Variants in SPAG17 observed in about 807,000 individuals in gnomAD.
SPAG17 encodes the protein sperm-associated antigen 17.
A neutral mutation model predicts 273.6 loss-of-function variants in SPAG17; 169 were observed. The ratio of observed to expected loss-of-function variants is 0.62; its 90% CI spans 0.55 to 0.70. The LOEUF (loss-of-function observed/expected upper bound fraction) is 0.70, where lower values mean the gene tolerates loss of function less well. SPAG17 is among the 30% of genes least tolerant of loss of function. The pLI is 0.00. For missense variants in SPAG17, 2,557 were observed against 2,627.8 expected (o/e 0.97, Z 0.59); for synonymous variants, 825 against 873.2 (o/e 0.94, Z 0.97).
intron 1 of SPAG17, among the ~76,000 whole-genome samples, chr1:118,181,304 A>C (rs1032039510): frequency 1.3e-5 from 2 of 152,112 alleles, no homozygotes; most frequent in African/African-American, 2.4e-5. Flanking sequence ...CTTTAAATGT[A>C]CATGTATTAA....
At chr1:118,022,937 T>G (rs778665943) in intron 28 of SPAG17, among the ~76,000 whole-genome samples, 1 of 152,070 alleles carries the variant, frequency 6.6e-6, no homozygotes, top group Non-Finnish European at 1.5e-5. Context: ...TGCCTGGAGT[T>G]GATATACCTT....
chr1:118,014,122 G>A (rs1452022825), intron 29 of SPAG17, among the ~76,000 whole-genome samples: 1 of 152,112 alleles, frequency 6.6e-6, no homozygotes, highest in Admixed American at 6.6e-5. Context: ...TGTGACCTTG[G>A]GCAAATTACT....
intron 3 of SPAG17, among the ~76,000 whole-genome samples, chr1:118,148,259 G>A (rs2102341772): frequency 6.6e-6 from 1 of 152,226 alleles, no homozygotes; most frequent in South Asian, 2.1e-4. Flanking sequence ...TCGTCTCACT[G>A]ACTTCAAAGA....
In SPAG17 at chr1:118,176,749, G is replaced by A. The variant is rs187553552; in HGVS notation, c.87+8322C>T. Among the ~76,000 whole-genome samples the A allele has an allele frequency of 4.6e-3, 694 of 152,200 alleles. 2 individuals carry two copies. Among genetic ancestry groups the A allele is most frequent in the Non-Finnish European group, 5.8e-3 (396 of 67,992 alleles). ...TTCACTCAAATACTGCAGAATATAC[G>A]TTCTTTTCAGCAGCACACAGAACAC... is the stretch of plus-strand genomic sequence containing the variant. On this transcript the variant is annotated intron_variant, in intron 1 of 48. Transcript: ENST00000336338.
At chr1:117,991,699 A>G (rs1167663272) in intron 36 of SPAG17, among the ~76,000 whole-genome samples, 171 bp from the exon 37 acceptor site, 1 of 152,202 alleles carries the variant, frequency 6.6e-6, no homozygotes, top group Non-Finnish European at 1.5e-5. Flanking sequence ...TTAATATGTT[A>G]ATAGGAAAAA....
chr1:118,133,904 C>T (rs1570752596), intron 3 of SPAG17, among the ~76,000 whole-genome samples: 1 of 152,106 alleles, frequency 6.6e-6, no homozygotes, highest in East Asian at 1.9e-4. Flanking sequence ...AAAATTACAC[C>T]ATCATTTCAC....
Position 118,019,422 on chromosome 1 carries a change from G to A in SPAG17, c.4070-3240C>T, listed in dbSNP as rs4659065. On this transcript the variant is annotated intron_variant, in intron 28 of 48. Transcript: ENST00000336338. ...TTAAAAGAGAACTGAAAGACCTAAA[G>A]TAATTGTTTAGAATGAAGCTCAGAG... 2.9e-3 allele frequency among the ~76,000 whole-genome samples: 440 copies of A among 151,904 alleles called. 2 individuals are homozygous for A. Among genetic ancestry groups the A allele is most frequent in the South Asian group, 0.022 (105 of 4,822 alleles).
At chr1:118,018,269 CAG>C in intron 28 of SPAG17, among the ~76,000 whole-genome samples, 1 of 152,258 alleles carries the variant, frequency 6.6e-6, no homozygotes, top group South Asian at 2.1e-4. Context: ...GGATTATTAA[CAG>C]AAATCATTCG....
At chr1:118,010,776 C>A (rs1659388645) in intron 30 of SPAG17, among the ~76,000 whole-genome samples, 1 of 152,144 alleles carries the variant, frequency 6.6e-6, no homozygotes, top group Non-Finnish European at 1.5e-5. Context: ...ACTAAACTGA[C>A]AACCTACAGA....
Position 118,001,028 on chromosome 1 carries a change from T to C in SPAG17, c.4777-4285A>G, listed in dbSNP as rs1274633494. 2.0e-5 allele frequency among the ~76,000 whole-genome samples: 3 copies of C among 152,154 alleles called. No individual in the cohort carries two copies. The East Asian group carries it at 5.8e-4, about 29-fold the overall frequency. ...CCTAGTTTATTGAGAGTTTTTAGCA[T>C]GAAGTGCTGTTGAATTTTGTTGAAG... On this transcript the variant is annotated intron_variant, in intron 32 of 48. Coordinates refer to ENST00000336338, the MANE Select transcript of SPAG17 (RefSeq NM_206996.4).
Position 117,991,444 on chromosome 1 carries a change from T to A in SPAG17, c.5446A>T (p.Asn1816Tyr), listed in dbSNP as rs556317482. 6.2e-7 allele frequency: 1 copy of A among 1,611,032 alleles called. No homozygotes were observed. Among genetic ancestry groups the A allele is most frequent in the South Asian group, 1.1e-5 (1 of 90,712 alleles). ...KDSRTEEERG[N>Y]AADLLKLVMS... ...ACCAGCTTGAGGAGATCAGCAGCAT[T>A]GCCTCTCTCCTCCTCAGTTCTGGAA... is the stretch of plus-strand genomic sequence containing the variant. Residue 1816 changes from asparagine (N) to tyrosine (Y), a missense_variant, in exon 37 of 49, where the codon AAT becomes TAT. Asn to Tyr is a moderately radical substitution (Grantham distance 143, BLOSUM62 -2). Coordinates refer to ENST00000336338, the MANE Select transcript of SPAG17 (RefSeq NM_206996.4).
intron 31 of SPAG17, among the ~76,000 whole-genome samples, chr1:118,007,076 T>C (rs1219479550): frequency 6.6e-6 from 1 of 152,210 alleles, no homozygotes; most frequent in African/African-American, 2.4e-5. Flanking sequence ...ACGTTCTTGG[T>C]GGTGTCCTTT....
At chr1:118,030,834 T>C (rs890560531) in intron 25 of SPAG17, among the ~76,000 whole-genome samples, 3 of 152,208 alleles carry the variant, frequency 2.0e-5, no homozygotes, top group Non-Finnish European at 4.4e-5. Context: ...CTTTATTCAG[T>C]CTATCATTGA....
At chr1:118,025,837 C>G (rs1442736128) in intron 26 of SPAG17, among the ~76,000 whole-genome samples, 1 of 152,098 alleles carries the variant, frequency 6.6e-6, no homozygotes, top group Admixed American at 6.5e-5. Flanking sequence ...GGGCAGTTTC[C>G]ATGTTATGAC....
intron 23 of SPAG17, among the ~76,000 whole-genome samples, chr1:118,038,082 A>C (rs1427205726): frequency 1.3e-5 from 2 of 152,196 alleles, no homozygotes; most frequent in Non-Finnish European, 2.9e-5. Flanking sequence ...CTTAAAGCTC[A>C]ATAACCAGAA....
At chr1:117,959,718 C>T (rs1652769905) in intron 48 of SPAG17, 1 of 270,646 alleles carries the variant, frequency 3.7e-6, no homozygotes, top group African/African-American at 2.2e-5. Flanking sequence ...TTGTTGTTCC[C>T]TTTATATTCT....
At chr1:118,047,599 C>A (rs899624697) in intron 20 of SPAG17, among the ~76,000 whole-genome samples, 1 of 152,170 alleles carries the variant, frequency 6.6e-6, no homozygotes, top group Non-Finnish European at 1.5e-5. Flanking sequence ...CCTCAGATCC[C>A]AGACTTCAGT....
chr1:118,004,189 C>T (rs543442574), intron 32 of SPAG17, among the ~76,000 whole-genome samples: 7 of 152,290 alleles, frequency 4.6e-5, no homozygotes, highest in South Asian at 2.1e-4. Context: ...CTGGAAGCTT[C>T]GTCCCAGAGG....
At chr1:118,003,469 T>C (rs576162619) in intron 32 of SPAG17, among the ~76,000 whole-genome samples, 1 of 152,356 alleles carries the variant, frequency 6.6e-6, no homozygotes, top group South Asian at 2.1e-4. Context: ...CAGTCAAACA[T>C]AGATTTCATC....
Sources: gnomAD v4.1 joint callset for allele counts (sites outside exome capture counted in the v4.1 genomes callset) on GRCh38, gnomAD v4.1.1 for gene constraint, MANE v1.5 for transcripts, NCBI Gene and HGNC (gene_info 2026-07-23, HGNC 2026-07-21) for gene names.